IPO7: variants seen among roughly 807,000 people sequenced by gnomAD.
The protein encoded by IPO7 is importin-7.
Under a neutral mutation model 136.4 loss-of-function variants are expected in IPO7, and 13 were observed. That is an observed-to-expected ratio of 0.10 (90% CI 0.06 to 0.15). The LOEUF (loss-of-function observed/expected upper bound fraction) is 0.15. IPO7 is among the 10% of genes least tolerant of loss of function. The pLI is 1.00. For missense variants in IPO7, 857 were observed against 1,240.6 expected (o/e 0.69, Z 4.65); for synonymous variants, 403 against 404.4 (o/e 1.00, Z 0.04).
chr11:9,387,250 G>T (rs1228213665), intron 1 of IPO7, among the ~76,000 whole-genome samples: 1 of 152,210 alleles, frequency 6.6e-6, no homozygotes, highest in Non-Finnish European at 1.5e-5. Flanking sequence ...TCTTCACAAA[G>T]TGAAATAATC....
chr11:9,386,976 C>T (rs924213228), intron 1 of IPO7, among the ~76,000 whole-genome samples: 1 of 152,120 alleles, frequency 6.6e-6, no homozygotes, highest in African/African-American at 2.4e-5. Flanking sequence ...ACTTTCATTC[C>T]ATTTTAATAC....
chr11:9,413,280 G>T (rs1482327222), intron 4 of IPO7, among the ~76,000 whole-genome samples: 3 of 152,082 alleles, frequency 2.0e-5, no homozygotes, highest in Non-Finnish European at 4.4e-5. Flanking sequence ...ATAATTGATA[G>T]CCTGTTGGTC....
rs372233191 is a variant in IPO7, at chr11:9,397,225, C to A, written c.85-6065C>A. The stretch of plus-strand genomic sequence containing the variant: ...GCCTCGAACTGCAAACGCATGCTTC[C>A]ACTTCCAGCTATTATAATTTTTAGG... On this transcript the variant is annotated intron_variant, in intron 1 of 24. Transcript: ENST00000379719. Among the ~76,000 whole-genome samples, 12 of 149,316 alleles carry A rather than the reference C, an allele frequency of 8.0e-5. No homozygotes were observed. In the South Asian group the frequency reaches 8.6e-4, roughly 11 times the overall value.
chr11:9,409,283 A>G (rs1049102430), intron 3 of IPO7, among the ~76,000 whole-genome samples: 3 of 150,982 alleles, frequency 2.0e-5, no homozygotes, highest in Non-Finnish European at 4.4e-5. Context: ...TAATTTTTGT[A>G]TTTTTAGTAG....
rs144679279 is a variant in IPO7 at position 9,419,735 on chromosome 11, A to T, written c.727-676A>T. On this transcript the variant is annotated intron_variant, in intron 6 of 24. Coordinates refer to ENST00000379719, the MANE Select transcript of IPO7 (RefSeq NM_006391.3). ...ATTTTTTACCATTACAAATAATATGATAATTAATATTCTCATACACAAATC... is the reference window on the plus strand; with the variant it reads ...ATTTTTTACCATTACAAATAATATGTTAATTAATATTCTCATACACAAATC... 5.5e-3 allele frequency among the ~76,000 whole-genome samples: 828 copies of T among 151,608 alleles called. 4 individuals are homozygous for T. The highest frequency in any genetic ancestry group is 0.01 in the Admixed American group (153 of 15,190).
chr11:9,412,689 A>G (rs1204169080), intron 4 of IPO7, among the ~76,000 whole-genome samples: 4 of 152,074 alleles, frequency 2.6e-5, no homozygotes, highest in African/African-American at 9.7e-5. Flanking sequence ...GTAATCAGCC[A>G]GATGTGGTGG....
chr11:9,428,392 C>G, intron 12 of IPO7, 148 bp from the exon 13 acceptor site: 1 of 448,412 alleles, frequency 2.2e-6, no homozygotes, highest in Non-Finnish European at 4.1e-6. Context: ...TTCTGGAATA[C>G]GAAAATTGGT....
Position 9,416,061 on chromosome 11 carries a change from C to T in IPO7, c.637-998C>T, listed in dbSNP as rs149945606. 1.1e-4 allele frequency among the ~76,000 whole-genome samples: 16 copies of T among 152,232 alleles called. No individual in the cohort carries two copies. The East Asian group carries it at 2.5e-3, about 24-fold the overall frequency. On this transcript the variant is annotated intron_variant, in intron 5 of 24. Transcript: ENST00000379719. ...TAAATCAGAGCCAGGCACAGTGGCT[C>T]GCACCTGTAAGCCTGTAATCCCAGT...
intron 1 of IPO7, among the ~76,000 whole-genome samples, chr11:9,387,406 C>T (rs982718500): frequency 2.0e-5 from 3 of 152,234 alleles, no homozygotes; most frequent in African/African-American, 7.2e-5. Flanking sequence ...CTTGTTCTCT[C>T]ATTTCCTTCC....
chr11:9,418,277 G>A (rs180894269), intron 6 of IPO7, among the ~76,000 whole-genome samples: 1 of 150,690 alleles, frequency 6.6e-6, no homozygotes, highest in East Asian at 2.0e-4. Context: ...CACCATCTTG[G>A]CCAGGGTGGT....
chr11:9,444,549 G>C (rs1294254177), intron 24 of IPO7, among the ~76,000 whole-genome samples: 1 of 151,560 alleles, frequency 6.6e-6, no homozygotes, highest in African/African-American at 2.4e-5. Context: ...TTTTAGTAGA[G>C]ACGAGGTTTC....
rs529154172 is a variant in IPO7, at chr11:9,392,788, A to C, written c.84+7941A>C. Among the ~76,000 whole-genome samples, 7 of 152,066 alleles carry C rather than the reference A, an allele frequency of 4.6e-5. No individual in the cohort carries two copies. The South Asian group carries it at 1.5e-3, about 32-fold the overall frequency. On this transcript the variant is annotated intron_variant, in intron 1 of 24. Coordinates refer to ENST00000379719, the MANE Select transcript of IPO7 (RefSeq NM_006391.3). ...ACATGGCAAAACCCTGTCTCTACTA[A>C]AAATACAAAAATTAGCCGGGCATGG...
Position 9,431,013 on chromosome 11 carries a change from TG to T in IPO7, c.1881+11del. 1 of 1,609,428 alleles carries T rather than the reference TG, an allele frequency of 6.2e-7. No individual in the cohort carries two copies. The highest frequency in any genetic ancestry group is 8.5e-7 in the Non-Finnish European group (1 of 1,176,488). ...TGAAGATCATAAAGAGGTAAGAAGA[TG>T]ATCTAGTGTTGCAGTTTTTCAAGCC... On this transcript the variant is annotated intron_variant, in intron 16 of 24. Transcript: ENST00000379719.
chr11:9,401,139 C>T (rs927926603), intron 1 of IPO7, among the ~76,000 whole-genome samples: 1 of 151,576 alleles, frequency 6.6e-6, no homozygotes, highest in South Asian at 2.1e-4. Flanking sequence ...CAAGATTGCA[C>T]CATTGCACTC....
chr11:9,419,861 T>A (rs11042343), intron 6 of IPO7, among the ~76,000 whole-genome samples: 65,116 of 151,976 alleles, frequency 0.43, 16,553 homozygotes, highest in Non-Finnish European at 0.57. Context: ...AAGCTACAAT[T>A]GTCGTGGCCT....
rs1370607792 is a variant in IPO7 at position 9,405,168 on chromosome 11, A to G, written c.166+1797A>G. 2.0e-5 allele frequency among the ~76,000 whole-genome samples: 3 copies of G among 151,766 alleles called. No individual in the cohort carries two copies. In the East Asian group the frequency reaches 5.8e-4, roughly 29 times the overall value. On this transcript the variant is annotated intron_variant, in intron 2 of 24. Coordinates refer to ENST00000379719, the MANE Select transcript of IPO7 (RefSeq NM_006391.3). ...GCCCAGGCTAGAATTCAGTAGCTCCATCTTTTTTTTGTTTTTGTTTTTTTG... is the reference window on the plus strand; with the variant it reads ...GCCCAGGCTAGAATTCAGTAGCTCCGTCTTTTTTTTGTTTTTGTTTTTTTG...
rs71476829 is a variant in IPO7 at position 9,407,080 on chromosome 11, G to T, written c.167-1406G>T. ...TGGGGCAAAAAATGTTTAAAATTCC[G>T]AATCACATAAGCATATATTCCATTC... is the stretch of plus-strand genomic sequence containing the variant. On this transcript the variant is annotated intron_variant, in intron 2 of 24. Coordinates refer to ENST00000379719, the MANE Select transcript of IPO7 (RefSeq NM_006391.3). Among the ~76,000 whole-genome samples the T allele has an allele frequency of 5.3e-3, 812 of 152,148 alleles. 6 individuals are homozygous for T. Among genetic ancestry groups the T allele is most frequent in the African/African-American group, 0.019 (773 of 41,512 alleles).
At chr11:9,408,838 C>G (rs369795970) in intron 3 of IPO7, among the ~76,000 whole-genome samples, 199 bp downstream of exon 3, 9 of 150,700 alleles carry the variant, frequency 6.0e-5, no homozygotes, top group East Asian at 3.9e-4. Flanking sequence ...CTCAGCTCCA[C>G]GAGTAGCTGG....
chr11:9,390,127 G>A (rs1854608103), intron 1 of IPO7, among the ~76,000 whole-genome samples: 1 of 152,190 alleles, frequency 6.6e-6, no homozygotes. Flanking sequence ...CTGACCTCAG[G>A]TGATCCGTCC....
Sources: allele counts gnomAD v4.1 joint callset (sites outside exome capture counted in the v4.1 genomes callset), GRCh38; gene constraint gnomAD v4.1.1; transcripts MANE v1.5; gene names NCBI Gene and HGNC (gene_info 2026-07-23, HGNC 2026-07-21).